ARPC1A: variants seen among roughly 807,000 people sequenced by gnomAD.
ARPC1A encodes the protein actin-related protein 2/3 complex subunit 1A.
In ARPC1A, 8 loss-of-function variants were observed where a neutral mutation model predicts 46.9. The ratio of observed to expected loss-of-function variants is 0.17; its 90% CI spans 0.10 to 0.31. The LOEUF is 0.31. ARPC1A is among the 10% of genes least tolerant of loss of function. The probability of loss-of-function intolerance (pLI) is 1.00; values close to 1 mark genes in which losing one functional copy is unlikely to be tolerated. For synonymous variants in ARPC1A, 152 were observed against 169.0 expected, an observed-to-expected ratio of 0.90 and a Z score of 0.78; for missense variants, 286 against 483.6, an observed-to-expected ratio of 0.59 and a Z score of 3.83.
intron 1 of ARPC1A, among the ~76,000 whole-genome samples, chr7:99,328,123 C>T (rs989491774): frequency 6.6e-6 from 1 of 152,208 alleles, no homozygotes; most frequent in African/African-American, 2.4e-5. Context: ...GTAATCCCAA[C>T]ACTTTGAGAG....
intron 1 of ARPC1A, among the ~76,000 whole-genome samples, chr7:99,326,494 G>T (rs1446456578): frequency 2.6e-5 from 4 of 152,170 alleles, no homozygotes; most frequent in African/African-American, 9.7e-5. Context: ...CTTCTCCCGA[G>T]TTCTTTTAAG....
At chr7:99,330,267 T>C (rs1793124113) in intron 1 of ARPC1A, among the ~76,000 whole-genome samples, 1 of 152,172 alleles carries the variant, frequency 6.6e-6, no homozygotes, top group Non-Finnish European at 1.5e-5. Context: ...TCAGATGTTT[T>C]TTATTTAAAG....
chr7:99,359,896 G>C (rs1460230121), intron 8 of ARPC1A, 158 bp downstream of exon 8: 2 of 860,632 alleles, frequency 2.3e-6, no homozygotes, highest in African/African-American at 1.7e-5. Flanking sequence ...CGACCGCCAG[G>C]CTCTCATTTC....
rs1793703146 is a variant in ARPC1A, at chr7:99,359,529, CTGAG to C, written c.790-14_790-11del. ...GGGCAGTGCATCCTCCAGGGACTGA[CTGAG>C]TCTTGTTTCAGGGCCATGACTGCTG... On this transcript the variant is annotated splice_polypyrimidine_tract_variant and intron_variant, in intron 7 of 9. Coordinates refer to ENST00000262942, the MANE Select transcript of ARPC1A (RefSeq NM_006409.4). The C allele has an allele frequency of 6.2e-7, 1 of 1,613,348 alleles. No individual in the cohort carries two copies. The highest frequency in any genetic ancestry group is 8.5e-7 in the Non-Finnish European group (1 of 1,179,880).
chr7:99,364,551 C>T (rs182836517), intron 9 of ARPC1A, among the ~76,000 whole-genome samples: 18 of 152,164 alleles, frequency 1.2e-4, no homozygotes, highest in African/African-American at 2.7e-4. Flanking sequence ...GGATTACAGG[C>T]GTGAGCCACT....
intron 8 of ARPC1A, among the ~76,000 whole-genome samples, chr7:99,362,316 A>C (rs1793757726): frequency 6.6e-6 from 1 of 150,384 alleles, no homozygotes; most frequent in African/African-American, 2.5e-5. Flanking sequence ...AATAAAATAA[A>C]AATGTAAAAC....
Position 99,365,976 on chromosome 7 carries a change from G to A in ARPC1A, c.*47G>A, listed in dbSNP as rs761546189. 27 of 1,547,192 alleles carry A rather than the reference G, an allele frequency of 1.7e-5. No individual in the cohort carries two copies. Among genetic ancestry groups the A allele is most frequent in the Middle Eastern group, 3.4e-4 (2 of 5,956 alleles). ...CCAGCATGACAAACTGTGGCCGACC[G>A]CAGCTGTGCCGTGGCACGATGGCGA... On this transcript the variant is annotated 3_prime_UTR_variant, in exon 10 of 10. Transcript: ENST00000262942.
chr7:99,333,625 A>C (rs561771156), intron 2 of ARPC1A, among the ~76,000 whole-genome samples: 5 of 152,320 alleles, frequency 3.3e-5, no homozygotes, highest in African/African-American at 9.6e-5. Context: ...CAGAGGTTAC[A>C]TACCAAGTTC....
intron 5 of ARPC1A, among the ~76,000 whole-genome samples, chr7:99,350,029 A>T (rs1163998845): frequency 6.6e-6 from 1 of 152,166 alleles, no homozygotes; most frequent in African/African-American, 2.4e-5. Context: ...AACAAAAACA[A>T]AACAAAAAAA....
intron 3 of ARPC1A, among the ~76,000 whole-genome samples, chr7:99,341,842 A>T (rs1793362232): frequency 1.3e-5 from 2 of 152,126 alleles, no homozygotes. Flanking sequence ...GAAAAATCTA[A>T]ATATAACTCT....
At chr7:99,357,977 C>A (rs1379707679) in intron 6 of ARPC1A, among the ~76,000 whole-genome samples, 1 of 152,168 alleles carries the variant, frequency 6.6e-6, no homozygotes, top group Non-Finnish European at 1.5e-5. Context: ...ACAGGAAGAG[C>A]TCTAGGAGCT....
intron 5 of ARPC1A, among the ~76,000 whole-genome samples, chr7:99,350,408 G>A (rs969372663): frequency 6.6e-6 from 1 of 152,142 alleles, no homozygotes; most frequent in African/African-American, 2.4e-5. Flanking sequence ...TTATTGTGCT[G>A]TTCTTTCAGT....
At chr7:99,351,857 G>C (rs1303739425) in intron 5 of ARPC1A, among the ~76,000 whole-genome samples, 1 of 152,170 alleles carries the variant, frequency 6.6e-6, no homozygotes, top group African/African-American at 2.4e-5. Context: ...TAGATTTCCA[G>C]CCGTTCCCCT....
chr7:99,327,691 G>A (rs998303446), intron 1 of ARPC1A, among the ~76,000 whole-genome samples: 4 of 152,018 alleles, frequency 2.6e-5, no homozygotes, highest in African/African-American at 9.7e-5. Flanking sequence ...ACAGTTAAAG[G>A]AAGGGACCAT....
At chr7:99,347,735 G>A in intron 4 of ARPC1A, among the ~76,000 whole-genome samples, 1 of 151,124 alleles carries the variant, frequency 6.6e-6, no homozygotes, top group Non-Finnish European at 1.5e-5. Context: ...ATAAAAGAAA[G>A]TGATTCTTGC....
At chr7:99,334,755 T>C (rs1021231919) in intron 2 of ARPC1A, among the ~76,000 whole-genome samples, 5 of 152,210 alleles carry the variant, frequency 3.3e-5, no homozygotes, top group Non-Finnish European at 7.4e-5. Context: ...AATCTCGGCT[T>C]ACTGCAACCT....
At chr7:99,349,148 T>G (rs1358543867) in intron 5 of ARPC1A, among the ~76,000 whole-genome samples, 189 bp downstream of exon 5, 1 of 152,122 alleles carries the variant, frequency 6.6e-6, no homozygotes, top group Non-Finnish European at 1.5e-5. Context: ...ATTCCTGGGC[T>G]CAAGCGATCC....
chr7:99,343,466 C>CA (rs1181327939), intron 3 of ARPC1A, among the ~76,000 whole-genome samples: 92 of 119,914 alleles, frequency 7.7e-4, no homozygotes, highest in East Asian at 2.4e-3. Context: ...AACTCCATCT[C>CA]AAAAAAAAAA....
chr7:99,347,310 A>T (rs571090236), intron 4 of ARPC1A, among the ~76,000 whole-genome samples: 1 of 152,140 alleles, frequency 6.6e-6, no homozygotes, highest in African/African-American at 2.4e-5. Flanking sequence ...TACTCAAGCA[A>T]TCCTTCTGCT....
Sources: allele counts gnomAD v4.1 joint callset (sites outside exome capture counted in the v4.1 genomes callset), GRCh38; gene constraint gnomAD v4.1.1; transcripts MANE v1.5; gene names NCBI Gene and HGNC (gene_info 2026-07-23, HGNC 2026-07-21).